The following TAOK3 variants were observed in gnomAD, a reference collection of about 807,000 sequenced individuals.
TAOK3 encodes the protein TAO kinase 3, also known as serine/threonine-protein kinase TAO3.
Under a neutral mutation model 120.4 loss-of-function variants are expected in TAOK3, and 40 were observed. The observed-to-expected ratio is 0.33, with a 90% CI of 0.26 to 0.43. The LOEUF is 0.43. TAOK3 is among the 20% of genes least tolerant of loss of function. TAOK3 has a pLI of 1.00. For synonymous variants in TAOK3, 355 were observed against 387.5 expected, an observed-to-expected ratio of 0.92 and a Z score of 0.99; for missense variants, 821 against 1,112.1, an observed-to-expected ratio of 0.74 and a Z score of 3.72.
At chr12:118,169,061 T>G (rs2138588263) in intron 17 of TAOK3, among the ~76,000 whole-genome samples, 1 of 152,198 alleles carries the variant, frequency 6.6e-6, no homozygotes, top group East Asian at 1.9e-4. Flanking sequence ...TTGCCCAGGC[T>G]GGAGTGGAAT....
At position 118,255,383 on chromosome 12, in the gene TAOK3, G is replaced by T. The variant is rs192028351; in HGVS notation, c.120+65C>A. The T allele has an allele frequency of 3.8e-3, 5,955 of 1,569,736 alleles. 22 individuals are homozygous for T. The highest frequency in any genetic ancestry group is 4.8e-3 in the Non-Finnish European group (5,508 of 1,150,790). On this transcript the variant is annotated intron_variant, in intron 3 of 20. Transcript: ENST00000392533. The stretch of plus-strand genomic sequence containing the variant: ...GCTAGGATTACAGGCGTGAGTCACT[G>T]TGCCAGGCCTAGAGTCCAACCTTTC...
rs143538904 is a variant in TAOK3 at position 118,243,463 on chromosome 12, A to C, written c.246T>G (p.Pro82=). The change falls in exon 5 of 21, where the codon CCT becomes CCG. Residue 82 remains proline, a synonymous_variant. Transcript: ENST00000392533. ...AACAGCCTTTGTACTCAATAGTATT[A>C]GGATGCTTCAATTGTCGTAAAAATT... ...EVKFLRQLKH[P]NTIEYKGCYL... 1 of 1,551,968 alleles carries C rather than the reference A, an allele frequency of 6.4e-7. No homozygotes were observed. The highest frequency in any genetic ancestry group is 1.4e-5 in the African/African-American group (1 of 71,098).
At chr12:118,361,202 T>A (rs2045586512) in intron 1 of TAOK3, among the ~76,000 whole-genome samples, 2 of 152,230 alleles carry the variant, frequency 1.3e-5, no homozygotes, top group South Asian at 4.1e-4. Context: ...TATTAGACTT[T>A]AATGCCTAAA....
chr12:118,187,064 T>C (rs1239620536), intron 14 of TAOK3, among the ~76,000 whole-genome samples: 2 of 152,252 alleles, frequency 1.3e-5, no homozygotes, highest in African/African-American at 4.8e-5. Flanking sequence ...AAGACTAATA[T>C]CTTTGTCAGT....
intron 1 of TAOK3, among the ~76,000 whole-genome samples, chr12:118,288,821 CAGG>C: frequency 1.4e-5 from 2 of 145,896 alleles, no homozygotes; most frequent in Middle Eastern, 7.1e-3. Context: ...GAGGCTCATA[CAGG>C]AGAACAGGTT....
chr12:118,362,760 G>A (rs2045636815), intron 1 of TAOK3, among the ~76,000 whole-genome samples: 1 of 152,110 alleles, frequency 6.6e-6, no homozygotes, highest in Non-Finnish European at 1.5e-5. Context: ...GCTCACATCT[G>A]TAATCCCAGA....
At chr12:118,204,206 G>A (rs1270790235) in intron 11 of TAOK3, among the ~76,000 whole-genome samples, 2 of 151,218 alleles carry the variant, frequency 1.3e-5, no homozygotes, top group African/African-American at 2.4e-5. Context: ...GGCAGAGGTT[G>A]CAGTGAGCCG....
intron 1 of TAOK3, among the ~76,000 whole-genome samples, chr12:118,355,380 CG>C (rs2045348436): frequency 6.6e-6 from 1 of 152,066 alleles, no homozygotes; most frequent in Non-Finnish European, 1.5e-5. Context: ...TGTTGTTTCC[CG>C]GGCTGTTCCA....
At chr12:118,216,128 G>A (rs2038889538) in intron 9 of TAOK3, among the ~76,000 whole-genome samples, 1 of 152,114 alleles carries the variant, frequency 6.6e-6, no homozygotes, top group African/African-American at 2.4e-5. Context: ...AACCCAGGAG[G>A]TGGAGGTTTC....
intron 20 of TAOK3, 131 bp from the exon 21 acceptor site, chr12:118,151,289 G>GCGCA (rs1214641528): frequency 3.9e-4 from 99 of 253,114 alleles, no homozygotes; most frequent in African/African-American, 2.9e-3. Flanking sequence ...GCGCGCGCGC[G>GCGCA]CACACACACA....
intron 3 of TAOK3, among the ~76,000 whole-genome samples, chr12:118,253,506 GAC>G (rs1283491251): frequency 6.6e-6 from 1 of 152,176 alleles, no homozygotes. Flanking sequence ...GGGAGGCCGA[GAC>G]GGGTAGATCA....
chr12:118,264,829 T>A (rs1187458658), intron 2 of TAOK3, among the ~76,000 whole-genome samples: 1 of 151,932 alleles, frequency 6.6e-6, no homozygotes, highest in Admixed American at 6.6e-5. Flanking sequence ...AGGTCAGGAG[T>A]TCGAGACCAG....
chr12:118,312,164 C>CA (rs1458203813), intron 1 of TAOK3, among the ~76,000 whole-genome samples: 1 of 151,782 alleles, frequency 6.6e-6, no homozygotes, highest in Non-Finnish European at 1.5e-5. Flanking sequence ...AAACTTTCTA[C>CA]AAATGAAAAT....
intron 2 of TAOK3, among the ~76,000 whole-genome samples, chr12:118,265,234 C>G (rs2041392480): frequency 1.3e-5 from 2 of 151,528 alleles, no homozygotes; most frequent in African/African-American, 2.4e-5. Flanking sequence ...ACTAAAAATA[C>G]AAAAACTAGC....
At position 118,286,857 on chromosome 12, in the gene TAOK3, G is replaced by A. The variant is rs1441159746; in HGVS notation, c.-193-20098C>T. Among the ~76,000 whole-genome samples, 4 of 152,276 alleles carry A rather than the reference G, an allele frequency of 2.6e-5. No homozygotes were observed. In the East Asian group the frequency reaches 5.8e-4, roughly 22 times the overall value. On this transcript the variant is annotated intron_variant, in intron 1 of 20. Coordinates refer to ENST00000392533, the MANE Select transcript of TAOK3 (RefSeq NM_016281.4). The stretch of plus-strand genomic sequence containing the variant: ...TCAATGAGTGGATAAAGAAACTGTG[G>A]TATATATATTTAATGGGATACTCTC...
intron 1 of TAOK3, among the ~76,000 whole-genome samples, chr12:118,352,354 A>T (rs1230275416): frequency 1.3e-5 from 2 of 151,678 alleles, no homozygotes. Flanking sequence ...AAATACAAGA[A>T]TTAGCCAGGC....
intron 1 of TAOK3, among the ~76,000 whole-genome samples, chr12:118,286,403 AAGT>A (rs2042266788): frequency 6.6e-6 from 1 of 152,180 alleles, no homozygotes; most frequent in African/African-American, 2.4e-5. Context: ...TTCCCTCAAA[AAGT>A]AGGCTAAGGA....
intron 1 of TAOK3, among the ~76,000 whole-genome samples, chr12:118,277,022 T>C (rs749688997): frequency 1.1e-4 from 17 of 152,156 alleles, no homozygotes; most frequent in Non-Finnish European, 2.2e-4. Context: ...AACAAAACTG[T>C]AATAAACCTC....
In TAOK3 at chr12:118,371,334, C is replaced by T. The variant is rs1044553339; in HGVS notation, c.-194+1314G>A. On this transcript the variant is annotated intron_variant, in intron 1 of 20. Transcript: ENST00000392533. This position sits in a 1 kb window ranked among gnomAD's most constrained non-coding sequence, Gnocchi z 5.5. ...CCTTTTCATTAAGATCAGGAAGCCCCTCGCTTTCAAGACATCCACATCAGA... is the reference window on the plus strand; with the variant it reads ...CCTTTTCATTAAGATCAGGAAGCCCTTCGCTTTCAAGACATCCACATCAGA... Among the ~76,000 whole-genome samples the T allele has an allele frequency of 6.6e-6, 1 of 152,144 alleles. No individual in the cohort carries two copies. The highest frequency in any genetic ancestry group is 1.5e-5 in the Non-Finnish European group (1 of 68,016).
Sources: allele counts gnomAD v4.1 joint callset (sites outside exome capture counted in the v4.1 genomes callset), GRCh38; gene constraint gnomAD v4.1.1; non-coding constraint Gnocchi (gnomAD v3.1); transcripts MANE v1.5; gene names NCBI Gene and HGNC (gene_info 2026-07-23, HGNC 2026-07-21).